The following MAPK10 variants were observed in gnomAD, a reference collection of about 807,000 sequenced individuals.
MAPK10 encodes JNK3 alpha protein kinase.
Under a neutral mutation model 59.3 loss-of-function variants are expected in MAPK10, and 25 were observed. The ratio of observed to expected loss-of-function variants is 0.42; its 90% CI spans 0.31 to 0.59. The LOEUF (loss-of-function observed/expected upper bound fraction) is 0.59, where lower values mean the gene tolerates loss of function less well. Ranked by LOEUF, MAPK10 falls within the 20% of genes least tolerant of loss-of-function variation. The probability of loss-of-function intolerance (pLI) is 0.15; values close to 1 mark genes in which losing one functional copy is unlikely to be tolerated. For missense variants in MAPK10, 351 were observed against 568.9 expected, an observed-to-expected ratio of 0.62 and a Z score of 3.90; for synonymous variants, 190 against 200.5, an observed-to-expected ratio of 0.95 and a Z score of 0.44.
chr4:86,031,352 T>A lies in MAPK10; in HGVS notation c.1174+16A>T, dbSNP rs1313951708. 1.3e-6 allele frequency: 2 copies of A among 1,562,648 alleles called. No homozygotes were observed. Among genetic ancestry groups the A allele is most frequent in the South Asian group, 1.1e-5 (1 of 89,572 alleles). Reference sequence around the variant, plus strand: ...CAATAAAATAAAAAGTATACTTTTTTAAGTAGTAGACTTACCTTTCCATTC... The same window carrying A: ...CAATAAAATAAAAAGTATACTTTTTAAAGTAGTAGACTTACCTTTCCATTC... On this transcript the variant is annotated intron_variant, in intron 12 of 13. Coordinates refer to ENST00000641462, the MANE Select transcript of MAPK10 (RefSeq NM_138982.4).
chr4:86,216,411 T>G (rs986212779), intron 2 of MAPK10, among the ~76,000 whole-genome samples: 1 of 151,258 alleles, frequency 6.6e-6, no homozygotes, highest in African/African-American at 2.4e-5. Flanking sequence ...ACATGATCAA[T>G]GTACTTAACA....
intron 2 of MAPK10, chr4:86,340,324 G>T (rs1724147847): frequency 6.5e-6 from 1 of 152,970 alleles, no homozygotes; most frequent in African/African-American, 2.4e-5. Context: ...AAGAAAAGAG[G>T]TTTAATTGAC....
chr4:86,436,314 T>G (rs1748709350), intron 1 of MAPK10, among the ~76,000 whole-genome samples: 1 of 152,220 alleles, frequency 6.6e-6, no homozygotes, highest in Non-Finnish European at 1.5e-5. Flanking sequence ...TATGTTTTTA[T>G]TGATTTTCCA....
At chr4:86,553,545 C>T (rs1391057412) in intron 1 of MAPK10, among the ~76,000 whole-genome samples, 9 of 152,138 alleles carry the variant, frequency 5.9e-5, no homozygotes, top group Non-Finnish European at 1.0e-4. Flanking sequence ...TGCCCTTATC[C>T]CAGCTGCTTA....
chr4:86,214,518 A>AC (rs199565574), intron 2 of MAPK10, among the ~76,000 whole-genome samples: 12,544 of 147,858 alleles, frequency 0.085, 1,261 homozygotes, highest in African/African-American at 0.24. Flanking sequence ...CCTTAAAAAA[A>AC]AAAAAAAAAA....
chr4:86,469,980 A>C (rs1037454915), intron 1 of MAPK10, among the ~76,000 whole-genome samples: 2 of 152,266 alleles, frequency 1.3e-5, no homozygotes, highest in African/African-American at 4.8e-5. Flanking sequence ...CATAATCTAG[A>C]CAATACAAGG....
At chr4:86,192,652 T>C (rs549738815) in intron 3 of MAPK10, 3 of 152,050 alleles carry the variant, frequency 2.0e-5, no homozygotes, top group Non-Finnish European at 4.4e-5. Context: ...CTAAACTGGT[T>C]ATTCTAGTTA....
At chr4:86,106,606 T>A (rs2056586975) in intron 5 of MAPK10, among the ~76,000 whole-genome samples, 1 of 151,760 alleles carries the variant, frequency 6.6e-6, no homozygotes, top group African/African-American at 2.4e-5. Context: ...GATTCTGAAA[T>A]GAAGAAAGTC....
At chr4:86,360,952 C>A (rs1736833711), upstream of MAPK10, among the ~76,000 whole-genome samples, 1 of 152,110 alleles carries the variant, frequency 6.6e-6, no homozygotes, top group African/African-American at 2.4e-5. Context: ...CCAACTCCAG[C>A]CTTTGGACTT....
chr4:86,438,256 T>C (rs1430840323), intron 1 of MAPK10, among the ~76,000 whole-genome samples: 1 of 152,214 alleles, frequency 6.6e-6, no homozygotes, highest in African/African-American at 2.4e-5. Context: ...TAAATAAATA[T>C]GCTTATAAAA....
chr4:86,021,016 T>C (rs986809265), intron 13 of MAPK10, among the ~76,000 whole-genome samples: 1 of 152,120 alleles, frequency 6.6e-6, no homozygotes, highest in African/African-American at 2.4e-5. Context: ...TTTGACAGGG[T>C]GCTGACTGGT....
At chr4:86,077,394 G>C (rs1342955269) in intron 9 of MAPK10, among the ~76,000 whole-genome samples, 1 of 151,972 alleles carries the variant, frequency 6.6e-6, no homozygotes, top group Non-Finnish European at 1.5e-5. Flanking sequence ...GGCAATTTTT[G>C]GGCCTCTCAT....
chr4:86,172,415 TC>T (rs2074471533), intron 3 of MAPK10, among the ~76,000 whole-genome samples: 1 of 150,844 alleles, frequency 6.6e-6, no homozygotes, highest in African/African-American at 2.5e-5. Context: ...TGAGTTCATG[TC>T]CTTTGTAGGG....
At chr4:86,363,116 A>G (rs1218184962), upstream of MAPK10, among the ~76,000 whole-genome samples, 1 of 152,214 alleles carries the variant, frequency 6.6e-6, no homozygotes, top group Non-Finnish European at 1.5e-5. Context: ...ACATCTGTAG[A>G]TTCAAAAACT....
intron 11 of MAPK10, among the ~76,000 whole-genome samples, chr4:86,063,726 C>T (rs1204637206): frequency 6.6e-6 from 1 of 152,124 alleles, no homozygotes; most frequent in Non-Finnish European, 1.5e-5. Context: ...CATGGAGATA[C>T]ATCATACTGA....
At chr4:86,168,121 C>T (rs772559472) in intron 3 of MAPK10, among the ~76,000 whole-genome samples, 8 of 152,200 alleles carry the variant, frequency 5.3e-5, no homozygotes, top group Non-Finnish European at 1.0e-4. Context: ...TCTACAGCTC[C>T]CAGTCTGAGC....
At chr4:86,394,143 C>T (rs572086124) in intron 1 of MAPK10, among the ~76,000 whole-genome samples, 1 of 152,188 alleles carries the variant, frequency 6.6e-6, no homozygotes, top group South Asian at 2.1e-4. Flanking sequence ...GTGGCATGCA[C>T]CTGTAATCCC....
At chr4:86,176,541 T>TA (rs1297285066) in intron 3 of MAPK10, among the ~76,000 whole-genome samples, 3 of 152,118 alleles carry the variant, frequency 2.0e-5, no homozygotes, top group African/African-American at 7.2e-5. Flanking sequence ...ACAGAAAAGT[T>TA]AATTATCACG....
intron 1 of MAPK10, among the ~76,000 whole-genome samples, chr4:86,480,349 T>C (rs1444854671): frequency 2.6e-5 from 4 of 151,616 alleles, no homozygotes; most frequent in Admixed American, 2.6e-4. Flanking sequence ...AGAGAACAAC[T>C]GCCTTTGACT....
Sources: allele counts gnomAD v4.1 joint callset (sites outside exome capture counted in the v4.1 genomes callset), GRCh38; gene constraint gnomAD v4.1.1; transcripts MANE v1.5; gene names NCBI Gene and HGNC (gene_info 2026-07-23, HGNC 2026-07-21).